Variants in MACF1 observed in about 807,000 individuals in gnomAD.
MACF1 encodes microtubule actin crosslinking factor 1, also known as microtubule-actin cross-linking factor 1.
MACF1 carries 193 observed loss-of-function variants against 854.8 expected under a neutral mutation model. That is an observed-to-expected ratio of 0.23 (90% confidence interval 0.20 to 0.25). MACF1 has a LOEUF of 0.25. Ranked by LOEUF, MACF1 falls within the 10% of genes least tolerant of loss-of-function variation. The probability of loss-of-function intolerance (pLI) is 1.00; values close to 1 mark genes in which losing one functional copy is unlikely to be tolerated. For missense variants in MACF1, 7,722 were observed against 8,929.1 expected (o/e 0.86, Z 5.45); for synonymous variants, 3,185 against 3,226.7 (o/e 0.99, Z 0.44).
At chr1:39,470,013 A>G (rs1468954304) in intron 97 of MACF1, among the ~76,000 whole-genome samples, 1 of 152,216 alleles carries the variant, frequency 6.6e-6, no homozygotes, top group Non-Finnish European at 1.5e-5. Context: ...TGAGATTCAA[A>G]TTCAGGGCAA....
At chr1:39,183,661 C>T (rs532962366) in intron 2 of MACF1, among the ~76,000 whole-genome samples, 2 of 152,244 alleles carry the variant, frequency 1.3e-5, no homozygotes, top group South Asian at 2.1e-4. Context: ...TGGGACTGTG[C>T]CCTACCTTAG....
At chr1:39,418,553 G>A (rs977807641) in intron 58 of MACF1, among the ~76,000 whole-genome samples, 1 of 152,224 alleles carries the variant, frequency 6.6e-6, no homozygotes, top group Non-Finnish European at 1.5e-5. Flanking sequence ...GAATCAGTCA[G>A]GATAAAACTG....
chr1:39,245,460 G>A (rs911401964), intron 2 of MACF1, among the ~76,000 whole-genome samples: 2 of 152,144 alleles, frequency 1.3e-5, no homozygotes, highest in Non-Finnish European at 2.9e-5. Context: ...TGTATTTTTA[G>A]TGGAGACAGG....
At chr1:39,244,539 C>T (rs1644961056) in intron 2 of MACF1, among the ~76,000 whole-genome samples, 1 of 151,544 alleles carries the variant, frequency 6.6e-6, no homozygotes, top group Non-Finnish European at 1.5e-5. Context: ...CCTTGGCCTC[C>T]CAAAGTGCTA....
intron 41 of MACF1, among the ~76,000 whole-genome samples, chr1:39,348,660 C>T (rs1179608378): frequency 6.6e-6 from 1 of 152,108 alleles, no homozygotes; most frequent in African/African-American, 2.4e-5. Flanking sequence ...GTGCAGGTGA[C>T]TAAAGCGCCA....
rs774034284 is a variant in MACF1 at position 39,387,515 on chromosome 1, T to C, written c.14673T>C (p.Thr4891=). ...ATTGGGAAGAGCTTAGTAAAAAAAC[T>C]GCAGACAGACAATCCAGGCTCAAGG... ...KNHWEELSKK[T]ADRQSRLKDC... is the part of the protein sequence containing the mutation. Residue 4891 remains threonine, a synonymous_variant, in exon 58 of 101, where the codon ACT becomes ACC. Coordinates refer to ENST00000564288, the MANE Select transcript of MACF1 (RefSeq NM_001394062.1). The C allele has an allele frequency of 2.5e-6, 4 of 1,614,138 alleles. No homozygotes were observed. The highest frequency in any genetic ancestry group is 2.5e-6 in the Non-Finnish European group (3 of 1,180,014).
rs145646053 is a variant in MACF1, at chr1:39,368,154, A to T, written c.12778A>T (p.Asn4260Tyr). The T allele has an allele frequency of 1.7e-4, 277 of 1,613,858 alleles. 1 individual carries two copies. The East Asian group carries it at 5.5e-3, about 32-fold the overall frequency. ...THFFQQIQELNLEMEDQQENL... is the reference protein window; with the variant it reads ...THFFQQIQELYLEMEDQQENL... Reference sequence around the variant, plus strand: ...TTCCTTGTTTGCTTGACAGGAGCTCAATTTGGAAATGGAAGACCAACAGGA... The same window carrying T: ...TTCCTTGTTTGCTTGACAGGAGCTCTATTTGGAAATGGAAGACCAACAGGA... The change falls in exon 50 of 101, where the codon AAT becomes TAT. Residue 4260 changes from asparagine (N) to tyrosine (Y), a missense_variant. Coordinates refer to ENST00000564288, the MANE Select transcript of MACF1 (RefSeq NM_001394062.1).
intron 6 of MACF1, among the ~76,000 whole-genome samples, chr1:39,276,665 T>C (rs1645443902): frequency 6.6e-6 from 1 of 152,212 alleles, no homozygotes. Flanking sequence ...ACAGTAATTT[T>C]CCATTCTGCT....
chr1:39,186,336 G>A lies in MACF1; in HGVS notation c.221-44846G>A, dbSNP rs151303281. ...CAGGCTGGAGTGCCGTGGCATGCTC[G>A]GCTCACTGCAACCACCAACTCCCTG... On this transcript the variant is annotated intron_variant, in intron 2 of 93. Transcript: ENST00000361689. Among the ~76,000 whole-genome samples the A allele has an allele frequency of 7.5e-4, 112 of 148,472 alleles. 2 individuals carry two copies. The East Asian group carries it at 0.02, about 27-fold the overall frequency.
intron 6 of MACF1, chr1:39,269,009 G>A (rs1645271134): frequency 3.9e-6 from 5 of 1,288,370 alleles, no homozygotes. Context: ...ATCGGGGGAT[G>A]ATAGTACAGG....
intron 94 of MACF1, 26 bp from the exon 95 acceptor site, chr1:39,465,069 C>T (rs1221976714): frequency 6.2e-7 from 1 of 1,607,306 alleles, no homozygotes; most frequent in Non-Finnish European, 8.5e-7. Flanking sequence ...TCCTTTCCTC[C>T]ATCCTTTACT....
chr1:39,305,673 A>AG (rs1472660476), intron 23 of MACF1, among the ~76,000 whole-genome samples: 6 of 152,150 alleles, frequency 3.9e-5, no homozygotes, highest in Non-Finnish European at 8.8e-5. Flanking sequence ...ATCTTACTCT[A>AG]GGGGACTATT....
rs768614609 is a variant in MACF1 at position 39,285,690 on chromosome 1, G to A, written c.1440G>A (p.Arg480=). 1.1e-5 allele frequency: 18 copies of A among 1,613,944 alleles called. No individual in the cohort carries two copies. The highest frequency in any genetic ancestry group is 1.4e-5 in the Non-Finnish European group (17 of 1,180,000). ...TTCAGGAGTGTGAAGGTCTCATCAG[G>A]CAGCTGCAGGTGGATCTCCAGATCC... The part of the protein sequence containing the change: ...MYIQECEGLI[R]QLQVDLQILR... Residue 480 remains arginine (R), a synonymous_variant, in exon 14 of 101, where the codon AGG becomes AGA. Transcript: ENST00000564288.
intron 51 of MACF1, 59 bp downstream of exon 51, chr1:39,370,245 A>G: frequency 7.0e-7 from 1 of 1,438,558 alleles, no homozygotes; most frequent in Middle Eastern, 1.8e-4. Context: ...TACTTGTATT[A>G]ACTGGTCTCC....
At chr1:39,349,713 G>A in intron 42 of MACF1, 86 bp downstream of exon 42, 1 of 1,400,806 alleles carries the variant, frequency 7.1e-7, no homozygotes, top group East Asian at 2.4e-5. Context: ...GCTCACTGCA[G>A]CTTCGATCTC....
At chr1:39,187,689 C>A (rs1644190331) in intron 2 of MACF1, among the ~76,000 whole-genome samples, 1 of 152,178 alleles carries the variant, frequency 6.6e-6, no homozygotes, top group Non-Finnish European at 1.5e-5. Context: ...GGTTGCAAAT[C>A]ACTTTCTAGC....
chr1:39,359,788 A>G (rs1194202302), intron 47 of MACF1, among the ~76,000 whole-genome samples: 3 of 150,922 alleles, frequency 2.0e-5, no homozygotes, highest in East Asian at 3.9e-4. Context: ...GGCCAAGAAG[A>G]TGAAACCCCG....
At chr1:39,107,951 A>G (rs998948120) in intron 2 of MACF1, among the ~76,000 whole-genome samples, 1 of 152,154 alleles carries the variant, frequency 6.6e-6, no homozygotes, top group Non-Finnish European at 1.5e-5. Flanking sequence ...GAAGGGCAGT[A>G]ATGTATTTGG....
chr1:39,310,330 A>G lies in MACF1; in HGVS notation c.3002A>G (p.Asp1001Gly), dbSNP rs1557580063. The G allele has an allele frequency of 6.2e-7, 1 of 1,613,060 alleles. No individual in the cohort carries two copies. The highest frequency in any genetic ancestry group is 8.5e-7 in the Non-Finnish European group (1 of 1,179,614). The change falls in exon 25 of 101, where the codon GAC becomes GGC. Residue 1001 changes from aspartate to glycine, a missense_variant. Physicochemically the swap from Asp to Gly is moderately conservative, Grantham distance 94. Transcript: ENST00000564288. ...HYEDFLQDSR[D>G]SVLFSVADRL... is the part of the protein sequence containing the mutation. Reference sequence around the variant, plus strand: ...GAAGACTTTCTGCAGGATAGTCGTGACTCTGTGCTGTTCTCAGTGGCTGAT... The same window carrying G: ...GAAGACTTTCTGCAGGATAGTCGTGGCTCTGTGCTGTTCTCAGTGGCTGAT...
Sources: allele counts gnomAD v4.1 joint callset (sites outside exome capture counted in the v4.1 genomes callset), GRCh38; gene constraint gnomAD v4.1.1; transcripts MANE v1.5; gene names NCBI Gene and HGNC (gene_info 2026-07-23, HGNC 2026-07-21).